ALK: variants seen among roughly 807,000 people sequenced by gnomAD.
The protein encoded by ALK is ALK receptor tyrosine kinase, also known as ALK tyrosine kinase receptor.
Under a neutral mutation model 163.1 loss-of-function variants are expected in ALK, and 74 were observed. The ratio of observed to expected loss-of-function variants is 0.45; its 90% CI spans 0.38 to 0.55. The LOEUF (loss-of-function observed/expected upper bound fraction) is 0.55, where lower values mean the gene tolerates loss of function less well. Ranked by LOEUF, ALK falls within the 20% of genes least tolerant of loss-of-function variation. The pLI is 0.00. For missense variants in ALK, 2,063 were observed against 2,105.3 expected (o/e 0.98, Z 0.39); for synonymous variants, 960 against 843.2 (o/e 1.14, Z -2.40).
At chr2:29,610,603 A>T (rs1251246996) in intron 3 of ALK, among the ~76,000 whole-genome samples, 1 of 152,142 alleles carries the variant, frequency 6.6e-6, no homozygotes, top group Non-Finnish European at 1.5e-5. Context: ...TGTTGGAGAC[A>T]AAGGTTTCTC....
At chr2:29,813,425 G>A (rs1357606337) in intron 1 of ALK, among the ~76,000 whole-genome samples, 5 of 152,104 alleles carry the variant, frequency 3.3e-5, no homozygotes, top group Non-Finnish European at 5.9e-5. Context: ...TTAGGGAGTG[G>A]ATGGAGGAGG....
chr2:29,715,182 T>A (rs778963654), intron 2 of ALK, among the ~76,000 whole-genome samples: 1 of 152,196 alleles, frequency 6.6e-6, no homozygotes, highest in Admixed American at 6.5e-5. Flanking sequence ...GGCAGAAAGA[T>A]GTAAAGCCTC....
chr2:29,613,472 T>C lies in ALK; in HGVS notation c.953-81356A>G, dbSNP rs545808153. ...TCCTTCCAAGGCATAAGCCCTTCCT[T>C]TAAAAAATCAGCTTTGGAAACACAA... On this transcript the variant is annotated intron_variant, in intron 3 of 28. Coordinates refer to ENST00000389048, the MANE Select transcript of ALK (RefSeq NM_004304.5). Among the ~76,000 whole-genome samples, 13 of 152,320 alleles carry C rather than the reference T, an allele frequency of 8.5e-5. No homozygotes were observed. In the East Asian group the frequency reaches 2.5e-3, roughly 29 times the overall value.
intron 1 of ALK, among the ~76,000 whole-genome samples, chr2:29,813,431 G>C (rs1442129873): frequency 6.6e-6 from 1 of 150,482 alleles, no homozygotes; most frequent in Non-Finnish European, 1.5e-5. Flanking sequence ...AGTGGATGGA[G>C]GAGGAGGAGG....
chr2:29,491,344 A>C (rs539689156), intron 4 of ALK, among the ~76,000 whole-genome samples: 1 of 152,162 alleles, frequency 6.6e-6, no homozygotes, highest in Non-Finnish European at 1.5e-5. Context: ...ATATGTACTC[A>C]GTAAGTATGC....
intron 1 of ALK, among the ~76,000 whole-genome samples, chr2:29,812,825 T>C (rs556761005): frequency 3.3e-5 from 5 of 152,348 alleles, no homozygotes; most frequent in Admixed American, 6.5e-5. Context: ...TCACTTATCA[T>C]GTGTTAGGAC....
chr2:29,898,599 G>A (rs72798433), intron 1 of ALK, among the ~76,000 whole-genome samples: 9,125 of 152,164 alleles, frequency 0.06, 383 homozygotes, highest in East Asian at 0.14. Context: ...CATCAATAAT[G>A]AGTGCTCATT....
chr2:29,432,753 TTA>T (rs1491267973), intron 4 of ALK, among the ~76,000 whole-genome samples: 2 of 151,946 alleles, frequency 1.3e-5, no homozygotes, highest in African/African-American at 4.8e-5. Flanking sequence ...TTTTTTTTTT[TTA>T]AACCGATGGA....
intron 9 of ALK, among the ~76,000 whole-genome samples, chr2:29,295,032 C>T (rs1015721026): frequency 6.6e-6 from 1 of 152,180 alleles, no homozygotes; most frequent in Non-Finnish European, 1.5e-5. Context: ...CAGAGCATGT[C>T]AGTGGTATGC....
At chr2:29,579,934 T>C (rs1674631869) in intron 3 of ALK, among the ~76,000 whole-genome samples, 1 of 152,194 alleles carries the variant, frequency 6.6e-6, no homozygotes, top group Admixed American at 6.5e-5. Flanking sequence ...AAATTACTTG[T>C]CCATTATTCT....
chr2:29,829,651 A>AC (rs149103470), intron 1 of ALK, among the ~76,000 whole-genome samples: 1,935 of 152,286 alleles, frequency 0.013, 18 homozygotes, highest in Middle Eastern at 0.031. Flanking sequence ...TTTTCACCTA[A>AC]GGGGGGTAAA....
intron 4 of ALK, among the ~76,000 whole-genome samples, chr2:29,520,498 G>T (rs1378794637): frequency 1.3e-5 from 2 of 152,202 alleles, no homozygotes; most frequent in African/African-American, 4.8e-5. Flanking sequence ...ACATGTGAAA[G>T]AACAAATGTG....
At chr2:29,586,225 T>G (rs903797760) in intron 3 of ALK, among the ~76,000 whole-genome samples, 6 of 147,194 alleles carry the variant, frequency 4.1e-5, no homozygotes, top group South Asian at 2.2e-4. Flanking sequence ...CCCATTTTTT[T>G]GGGGGGGATA....
At position 29,414,860 on chromosome 2, in the gene ALK, C is replaced by T. The variant is rs1454675297; in HGVS notation, c.1155-31001G>A. Among the ~76,000 whole-genome samples the T allele has an allele frequency of 2.0e-5, 3 of 152,036 alleles. No homozygotes were observed. In the East Asian group the frequency reaches 5.8e-4, roughly 29 times the overall value. ...TTATGTCTTCCAGGCTGTTTTGAGA[C>T]AAGAGTCTATAATTGGGATCCTCAA... On this transcript the variant is annotated intron_variant, in intron 4 of 28. Transcript: ENST00000389048.
intron 1 of ALK, among the ~76,000 whole-genome samples, chr2:29,874,917 C>T (rs1014333126): frequency 2.0e-5 from 3 of 152,148 alleles, no homozygotes; most frequent in Admixed American, 6.5e-5. Context: ...CCTGACTGCA[C>T]ATTAGAATCA....
intron 11 of ALK, 43 bp downstream of exon 11, chr2:29,275,056 A>C (rs1451539921): frequency 1.2e-6 from 2 of 1,613,386 alleles, no homozygotes; most frequent in Non-Finnish European, 1.7e-6. Context: ...TGCCTTTTGC[A>C]ACAAGAAGTT....
intron 5 of ALK, among the ~76,000 whole-genome samples, chr2:29,373,890 G>A (rs909018377): frequency 6.6e-6 from 1 of 152,176 alleles, no homozygotes. Context: ...AAAGGACTCT[G>A]TGCACCCAGT....
intron 1 of ALK, among the ~76,000 whole-genome samples, chr2:29,721,728 G>C (rs1162949889): frequency 6.6e-6 from 1 of 152,144 alleles, no homozygotes; most frequent in Non-Finnish European, 1.5e-5. Flanking sequence ...CTGTTACAAT[G>C]GTCCTGCATC....
At position 29,465,775 on chromosome 2, in the gene ALK, C is replaced by G. The variant is rs116983404; in HGVS notation, c.1154+66140G>C. Among the ~76,000 whole-genome samples the G allele has an allele frequency of 6.9e-3, 1,046 of 152,046 alleles. 9 individuals carry two copies. Among genetic ancestry groups the G allele is most frequent in the African/African-American group, 0.023 (961 of 41,488 alleles). ...ATATCAGATGAAAAACTGGATCTAC[C>G]TAAAGAAATGAAGAACGTCAGAAAT... is the stretch of plus-strand genomic sequence containing the variant. On this transcript the variant is annotated intron_variant, in intron 4 of 28. Coordinates refer to ENST00000389048, the MANE Select transcript of ALK (RefSeq NM_004304.5).
Sources: gnomAD v4.1 joint callset for allele counts (sites outside exome capture counted in the v4.1 genomes callset) on GRCh38, gnomAD v4.1.1 for gene constraint, MANE v1.5 for transcripts, NCBI Gene and HGNC (gene_info 2026-07-23, HGNC 2026-07-21) for gene names.